The following MYO1E variants were observed in gnomAD, a reference collection of about 807,000 sequenced individuals.
MYO1E encodes myosin IE.
A neutral mutation model predicts 151.1 loss-of-function variants in MYO1E; 68 were observed. That is an observed-to-expected ratio of 0.45 (90% CI 0.37 to 0.55). The LOEUF is 0.55. Ranked by LOEUF, MYO1E falls within the 20% of genes least tolerant of loss-of-function variation. MYO1E has a pLI of 0.00. For synonymous variants in MYO1E, 601 were observed against 501.7 expected (o/e 1.20, Z -2.64); for missense variants, 1,363 against 1,389.3 (o/e 0.98, Z 0.30).
intron 26 of MYO1E, 87 bp downstream of exon 26, chr15:59,153,503 T>G: frequency 6.9e-7 from 1 of 1,441,008 alleles, no homozygotes; most frequent in Admixed American, 1.7e-5. Flanking sequence ...TCCTGTGTAT[T>G]GACAGCCCAC....
At chr15:59,323,987 A>T (rs934702626) in intron 1 of MYO1E, among the ~76,000 whole-genome samples, 2 of 152,138 alleles carry the variant, frequency 1.3e-5, no homozygotes, top group Non-Finnish European at 2.9e-5. Context: ...CAGGAAAAAA[A>T]AAAACAAAAA....
At chr15:59,197,564 A>C (rs1405961974) in intron 16 of MYO1E, among the ~76,000 whole-genome samples, 1 of 152,204 alleles carries the variant, frequency 6.6e-6, no homozygotes, top group African/African-American at 2.4e-5. Context: ...TGTTTTTTAG[A>C]TGAGAAAGCT....
intron 1 of MYO1E, among the ~76,000 whole-genome samples, chr15:59,274,220 C>A (rs2080305183): frequency 6.6e-6 from 1 of 152,094 alleles, no homozygotes; most frequent in Non-Finnish European, 1.5e-5. Context: ...GGCCTGCCAC[C>A]CATGCTGTCT....
Position 59,216,666 on chromosome 15 carries a change from G to A in MYO1E, c.1107+1225C>T, listed in dbSNP as rs867687132. ...CCAGTGTGTGTGTGTGTGTGTATGT[G>A]TATATATATATATATATATACACAT... On this transcript the variant is annotated intron_variant, in intron 10 of 27. Transcript: ENST00000288235. 3.5e-3 allele frequency among the ~76,000 whole-genome samples: 108 copies of A among 30,852 alleles called. 3 individuals carry two copies. Among genetic ancestry groups the A allele is most frequent in the African/African-American group, 0.01 (93 of 9,046 alleles). The allele number at this position is 30,852 out of a possible 152,430, so 20.2% of individuals were successfully genotyped here.
chr15:59,154,609 A>G (rs934835798), intron 25 of MYO1E, among the ~76,000 whole-genome samples: 10 of 152,146 alleles, frequency 6.6e-5, no homozygotes, highest in African/African-American at 9.7e-5. Flanking sequence ...ACCTCTTCCA[A>G]CCAAATTAAG....
chr15:59,367,039 G>A (rs1596446001), intron 1 of MYO1E, among the ~76,000 whole-genome samples: 1 of 136,352 alleles, frequency 7.3e-6, no homozygotes, highest in Non-Finnish European at 1.6e-5. Context: ...ACTCAAACTT[G>A]GAAAACCATG....
At chr15:59,252,011 C>T (rs768943620) in intron 4 of MYO1E, among the ~76,000 whole-genome samples, 14 of 152,068 alleles carry the variant, frequency 9.2e-5, no homozygotes, top group Non-Finnish European at 1.3e-4. Flanking sequence ...CTGTCTAAAA[C>T]GCATACAATG....
chr15:59,185,229 G>A (rs1481385500), intron 18 of MYO1E, among the ~76,000 whole-genome samples: 1 of 151,894 alleles, frequency 6.6e-6, no homozygotes, highest in Non-Finnish European at 1.5e-5. Flanking sequence ...CTCCCATTTT[G>A]TGGGTTGTCT....
chr15:59,236,219 T>C (rs1341590426), intron 5 of MYO1E, among the ~76,000 whole-genome samples: 4 of 151,818 alleles, frequency 2.6e-5, no homozygotes, highest in Admixed American at 2.6e-4. Context: ...GGGGCACACC[T>C]GTAATCCCAG....
At chr15:59,167,323 A>G (rs918244395) in intron 22 of MYO1E, among the ~76,000 whole-genome samples, 1 of 152,204 alleles carries the variant, frequency 6.6e-6, no homozygotes, top group Admixed American at 6.5e-5. Context: ...TCTGGTGATC[A>G]GCCACCAGAA....
intron 8 of MYO1E, among the ~76,000 whole-genome samples, chr15:59,224,277 A>T (rs1053595065): frequency 6.4e-5 from 7 of 108,868 alleles, no homozygotes; most frequent in Admixed American, 1.8e-4. Flanking sequence ...CAAAACCAGA[A>T]AAGAAATAAG....
Position 59,173,830 on chromosome 15 carries a change from C to T in MYO1E, c.2250G>A (p.Glu750=), listed in dbSNP as rs755712382. 1.2e-6 allele frequency: 2 copies of T among 1,614,082 alleles called. No homozygotes were observed. The highest frequency in any genetic ancestry group is 4.5e-5 in the East Asian group (2 of 44,884). Residue 750 remains glutamate (E), a synonymous_variant, in exon 21 of 28, where the codon GAG becomes GAA. Transcript: ENST00000288235. The stretch of plus-strand genomic sequence containing the variant: ...CCACGAACTGCTGGAGTTCTGGGTG[C>T]TCTTCCATCCCAATATAATCCCCTA... ...NFIGDYIGME[E]HPELQQFVGK... is the part of the protein sequence containing the mutation.
chr15:59,167,644 G>T (rs530245550), intron 22 of MYO1E, among the ~76,000 whole-genome samples: 1 of 152,202 alleles, frequency 6.6e-6, no homozygotes, highest in African/African-American at 2.4e-5. Flanking sequence ...AATGAAGCCA[G>T]AAATGCAAGC....
chr15:59,208,334 T>C (rs2079854176), intron 14 of MYO1E: 2 of 559,458 alleles, frequency 3.6e-6, no homozygotes, highest in East Asian at 3.2e-5. Context: ...ATATATGTAG[T>C]TGGCATTTGG....
At chr15:59,367,412 T>C (rs575768458) in intron 1 of MYO1E, among the ~76,000 whole-genome samples, 4 of 152,264 alleles carry the variant, frequency 2.6e-5, no homozygotes, top group South Asian at 2.1e-4. Context: ...TCATGTGACA[T>C]TGGAGGCCAT....
chr15:59,190,394 T>A (rs1344290233), intron 17 of MYO1E, among the ~76,000 whole-genome samples: 1 of 152,130 alleles, frequency 6.6e-6, no homozygotes, highest in Non-Finnish European at 1.5e-5. Flanking sequence ...ATCAGAAGCA[T>A]CCTCATTCCG....
intron 9 of MYO1E, 56 bp downstream of exon 9, chr15:59,223,003 C>A (rs1002781282): frequency 8.7e-6 from 14 of 1,610,036 alleles, no homozygotes; most frequent in Admixed American, 1.7e-5. Context: ...TGCTAGGTTA[C>A]TTCTAATCAG....
chr15:59,177,030 A>C (rs779744725), intron 19 of MYO1E, among the ~76,000 whole-genome samples: 24 of 152,220 alleles, frequency 1.6e-4, no homozygotes, highest in Non-Finnish European at 2.8e-4. Context: ...AGGCTGTTTT[A>C]ATTATATATG....
At chr15:59,360,361 A>T (rs2080878309) in intron 1 of MYO1E, among the ~76,000 whole-genome samples, 3 of 152,244 alleles carry the variant, frequency 2.0e-5, no homozygotes, top group African/African-American at 7.2e-5. Flanking sequence ...CCAAGGGGAA[A>T]AAAAAAAGAA....
Sources: gnomAD v4.1 joint callset for allele counts (sites outside exome capture counted in the v4.1 genomes callset) on GRCh38, gnomAD v4.1.1 for gene constraint, MANE v1.5 for transcripts, NCBI Gene and HGNC (gene_info 2026-07-23, HGNC 2026-07-21) for gene names.